Variants in RAB4B observed in about 807,000 individuals in gnomAD.
RAB4B encodes RAB4B, member RAS oncogene family.
A neutral mutation model predicts 28.3 loss-of-function variants in RAB4B; 15 were observed. The observed-to-expected ratio is 0.53, with a 90% CI of 0.35 to 0.82. RAB4B has a LOEUF of 0.82. Among genes scored for constraint, RAB4B ranks in the 40% least tolerant of loss-of-function variants. RAB4B has a pLI of 0.01. For synonymous variants in RAB4B, 108 were observed against 116.3 expected, an observed-to-expected ratio of 0.93 and a Z score of 0.46; for missense variants, 244 against 288.5, an observed-to-expected ratio of 0.85 and a Z score of 1.12.
intron 7 of RAB4B, among the ~76,000 whole-genome samples, chr19:40,787,519 G>C (rs1205378582): frequency 6.7e-6 from 1 of 150,274 alleles, no homozygotes; most frequent in Non-Finnish European, 1.5e-5. Context: ...TGGGTGACAA[G>C]AGCAAGACTT....
chr19:40,788,480 T>TAAAAA (rs1568494184), intron 7 of RAB4B, among the ~76,000 whole-genome samples: 1 of 76,108 alleles, frequency 1.3e-5, no homozygotes, highest in African/African-American at 6.0e-5. Context: ...AGCGAGACTC[T>TAAAAA]TAAAAAAAAA....
At chr19:40,790,911 A>G (rs2083153207) in intron 7 of RAB4B, among the ~76,000 whole-genome samples, 2 of 145,726 alleles carry the variant, frequency 1.4e-5, no homozygotes, top group South Asian at 4.3e-4. Context: ...GCTGGAGTGC[A>G]GTGGTGCAGT....
In RAB4B at chr19:40,786,780, G is replaced by C. The variant is rs768713944; in HGVS notation, c.526+20G>C. Reference sequence around the variant, plus strand: ...ACTCAGGTGAGGCCCCGACCGGCCCGAGTGGGAGCGAAGGGCAGGCCCGGG... The same window carrying C: ...ACTCAGGTGAGGCCCCGACCGGCCCCAGTGGGAGCGAAGGGCAGGCCCGGG... On this transcript the variant is annotated intron_variant, in intron 6 of 7. Transcript: ENST00000357052. The C allele has an allele frequency of 6.2e-7, 1 of 1,614,076 alleles. No homozygotes were observed. Among genetic ancestry groups the C allele is most frequent in the African/African-American group, 1.3e-5 (1 of 75,050 alleles).
rs373498035 is a variant in RAB4B, at chr19:40,782,769, C to T, written c.213-1009C>T. On this transcript the variant is annotated intron_variant, in intron 3 of 7. Transcript: ENST00000357052. Reference sequence around the variant, plus strand: ...CAAAGGTTGCAGTGAGCCAAGATCACGCCACTGCACTTCAGCCTGGGCGAC... The same window carrying T: ...CAAAGGTTGCAGTGAGCCAAGATCATGCCACTGCACTTCAGCCTGGGCGAC... Among the ~76,000 whole-genome samples, 10 of 151,630 alleles carry T rather than the reference C, an allele frequency of 6.6e-5. No individual in the cohort carries two copies. In the South Asian group the frequency reaches 1.7e-3, roughly 25 times the overall value.
chr19:40,793,572 GTT>G (rs373163247), intron 7 of RAB4B, among the ~76,000 whole-genome samples: 62,048 of 125,356 alleles, frequency 0.49, 14,931 homozygotes, highest in Admixed American at 0.58. Flanking sequence ...TTTCTTTTTT[GTT>G]TTTTTTTTTT....
At position 40,786,950 on chromosome 19, in the gene RAB4B, C is replaced by T. The variant is rs372611375; in HGVS notation, c.629C>T (p.Pro210Leu). ...AGTGCCCAGGCCGTGGCCCCTCAGC[C>T]GTGTGGCTGCTGAGCTCTGTGGAGC... Reference protein sequence around the residue: ...PRSAQAVAPQPCGC With the variant: ...PRSAQAVAPQLCGC Residue 210 changes from proline (P) to leucine (L), a missense_variant, in exon 7 of 8, where the codon CCG becomes CTG. Coordinates refer to ENST00000357052, the MANE Select transcript of RAB4B (RefSeq NM_016154.5). 229 of 1,613,730 alleles carry T rather than the reference C, an allele frequency of 1.4e-4. No individual in the cohort carries two copies. Among genetic ancestry groups the T allele is most frequent in the Admixed American group, 2.3e-4 (14 of 59,986 alleles).
intron 7 of RAB4B, among the ~76,000 whole-genome samples, chr19:40,789,581 G>A (rs1159310446): frequency 6.9e-6 from 1 of 145,804 alleles, no homozygotes; most frequent in Non-Finnish European, 1.5e-5. Flanking sequence ...TCGGCTCACT[G>A]CAACCTCTGC....
intron 1 of RAB4B, among the ~76,000 whole-genome samples, chr19:40,778,665 G>C (rs1386962306): frequency 3.3e-5 from 5 of 152,082 alleles, no homozygotes; most frequent in Admixed American, 6.6e-5. Flanking sequence ...GAAGAGGTGG[G>C]CCTTAATGGA....
chr19:40,784,551 T>C (rs1012651379), intron 5 of RAB4B, among the ~76,000 whole-genome samples: 2 of 152,152 alleles, frequency 1.3e-5, no homozygotes, highest in Non-Finnish European at 2.9e-5. Flanking sequence ...CAGTGAGCTA[T>C]GTGATTACAC....
intron 1 of RAB4B, chr19:40,779,085 T>C (rs2083023330): frequency 2.1e-6 from 2 of 941,566 alleles, no homozygotes; most frequent in Non-Finnish European, 2.5e-6. Context: ...TTTCAGGGAA[T>C]AGACTGAAGG....
At chr19:40,789,432 C>T (rs1397756740) in intron 7 of RAB4B, among the ~76,000 whole-genome samples, 1 of 150,954 alleles carries the variant, frequency 6.6e-6, no homozygotes, top group African/African-American at 2.4e-5. Context: ...GAACTCCCGA[C>T]CTCAGGTGAT....
chr19:40,795,442 C>T (rs898869425), intron 7 of RAB4B, among the ~76,000 whole-genome samples: 23 of 151,116 alleles, frequency 1.5e-4, no homozygotes, highest in African/African-American at 5.4e-4. Context: ...CTCTGTTGCC[C>T]GGGCTGGAGT....
intron 7 of RAB4B, among the ~76,000 whole-genome samples, chr19:40,788,890 A>G (rs1380878993): frequency 6.9e-6 from 1 of 144,390 alleles, no homozygotes; most frequent in Non-Finnish European, 1.5e-5. Context: ...CCTGAGTTCA[A>G]GTTGCCTCAG....
chr19:40,787,070 G>GA (rs1183807868), intron 7 of RAB4B, 92 bp downstream of exon 7: 4 of 1,137,210 alleles, frequency 3.5e-6, no homozygotes, highest in African/African-American at 1.5e-5. Context: ...GATGACAAGA[G>GA]AAACAGAGTG....
intron 3 of RAB4B, among the ~76,000 whole-genome samples, chr19:40,783,167 A>AAAG (rs2083066081): frequency 6.8e-6 from 1 of 146,336 alleles, no homozygotes; most frequent in Non-Finnish European, 1.5e-5. Flanking sequence ...AAAAAAAAAA[A>AAAG]AAAAAGAAAA....
intron 7 of RAB4B, among the ~76,000 whole-genome samples, chr19:40,790,461 C>T (rs968966492): frequency 2.0e-5 from 3 of 151,324 alleles, no homozygotes; most frequent in African/African-American, 4.9e-5. Context: ...AGCTCCGCCT[C>T]CTGGGTTCAT....
At chr19:40,793,951 A>G (rs557265546) in intron 7 of RAB4B, among the ~76,000 whole-genome samples, 1 of 151,632 alleles carries the variant, frequency 6.6e-6, no homozygotes, top group Admixed American at 6.6e-5. Flanking sequence ...CAAACCAAAA[A>G]AACCAAAACA....
intron 7 of RAB4B, among the ~76,000 whole-genome samples, chr19:40,796,030 C>T (rs1599754212): frequency 6.6e-6 from 1 of 152,120 alleles, no homozygotes; most frequent in Admixed American, 6.6e-5. Flanking sequence ...GAGACAGTCT[C>T]ACTCTGTTGC....
At chr19:40,795,350 A>G (rs2083199839) in intron 7 of RAB4B, among the ~76,000 whole-genome samples, 1 of 151,302 alleles carries the variant, frequency 6.6e-6, no homozygotes, top group South Asian at 2.1e-4. Context: ...GGACACAGAA[A>G]GATACAAAGG....
Sources: allele counts gnomAD v4.1 joint callset (sites outside exome capture counted in the v4.1 genomes callset), GRCh38; gene constraint gnomAD v4.1.1; transcripts MANE v1.5; gene names NCBI Gene and HGNC (gene_info 2026-07-23, HGNC 2026-07-21).